Variants in POLR1A observed in about 807,000 individuals in gnomAD.
The protein encoded by POLR1A is RNA polymerase I subunit A, also known as DNA-directed RNA polymerase I subunit RPA1.
Under a neutral mutation model 205.3 loss-of-function variants are expected in POLR1A, and 84 were observed. The ratio of observed to expected loss-of-function variants is 0.41; its 90% confidence interval spans 0.34 to 0.49. The LOEUF is 0.49. Ranked by LOEUF, POLR1A falls within the 20% of genes least tolerant of loss-of-function variation. The pLI is 0.22. For missense variants in POLR1A, 1,645 were observed against 2,204.5 expected (o/e 0.75, Z 5.08); for synonymous variants, 799 against 863.7 (o/e 0.93, Z 1.31).
At chr2:86,099,092 T>C (rs1412907620) in intron 2 of POLR1A, among the ~76,000 whole-genome samples, 2 of 152,118 alleles carry the variant, frequency 1.3e-5, no homozygotes, top group East Asian at 3.8e-4. Context: ...TCCCAGCATT[T>C]TGGGAGGCCA....
Position 86,027,447 on chromosome 2 carries a change from G to A in POLR1A, c.5139C>T (p.Phe1713=), listed in dbSNP as rs752279650. The A allele has an allele frequency of 9.9e-6, 16 of 1,614,106 alleles. No individual in the cohort carries two copies. The highest frequency in any genetic ancestry group is 1.2e-5 in the Non-Finnish European group (14 of 1,179,984). ...GCTATCTCAGAGGCTGCTTGAGCTC[G>A]AACAGGCCTGTCCCGCCCCTGACGA... The part of the protein sequence containing the change: ...GKVVRGGTGL[F]ELKQPLR The change falls in exon 34 of 34, where the codon TTC becomes TTT. Residue 1713 remains phenylalanine (F), a synonymous_variant. Transcript: ENST00000263857.
chr2:86,034,435 C>T (rs779443636), intron 27 of POLR1A, among the ~76,000 whole-genome samples: 74 of 152,324 alleles, frequency 4.9e-4, no homozygotes, highest in African/African-American at 1.4e-3. Flanking sequence ...GGCAATGAAT[C>T]GTGTCAACAA....
chr2:86,081,962 G>A (rs891499384), intron 7 of POLR1A, among the ~76,000 whole-genome samples: 9 of 152,002 alleles, frequency 5.9e-5, no homozygotes, highest in Admixed American at 2.6e-4. Context: ...CTTCCAAGTA[G>A]TTGGGACTAC....
chr2:86,034,566 C>T lies in POLR1A; in HGVS notation c.4035-779G>A, dbSNP rs149848731. On this transcript the variant is annotated intron_variant, in intron 27 of 33. Transcript: ENST00000263857. ...GATCCACCCTGTCCCCTCCATACCA[C>T]TTCTTTCCTCATGTAACCCCCTGCC... Among the ~76,000 whole-genome samples, 795 of 152,308 alleles carry T rather than the reference C, an allele frequency of 5.2e-3. 10 individuals are homozygous for T. Among genetic ancestry groups the T allele is most frequent in the African/African-American group, 0.018 (738 of 41,556 alleles).
Position 86,030,183 on chromosome 2 carries a change from C to T in POLR1A, c.4779+13G>A, listed in dbSNP as rs774819828. 1 of 1,608,270 alleles carries T rather than the reference C, an allele frequency of 6.2e-7. No individual in the cohort carries two copies. The highest frequency in any genetic ancestry group is 2.2e-5 in the East Asian group (1 of 44,872). On this transcript the variant is annotated intron_variant, in intron 31 of 33. Transcript: ENST00000263857. ...TAATGCTTTGTCCCAGGCCAGCAGA[C>T]AGCCTGTCTTACCTCTGCATACTTG... is the stretch of plus-strand genomic sequence containing the variant.
intron 6 of POLR1A, among the ~76,000 whole-genome samples, chr2:86,084,690 C>T (rs1037981745): frequency 1.5e-4 from 19 of 130,636 alleles, no homozygotes; most frequent in Admixed American, 6.5e-4. Flanking sequence ...TTTTTCAAGA[C>T]GGAGTCTTGC....
chr2:86,040,287 A>C, intron 25 of POLR1A, 105 bp downstream of exon 25: 1 of 893,956 alleles, frequency 1.1e-6, no homozygotes, highest in Non-Finnish European at 1.6e-6. Flanking sequence ...TCACACAGAC[A>C]CACTCTCTCA....
At chr2:86,039,737 T>A (rs1241448577) in intron 25 of POLR1A, among the ~76,000 whole-genome samples, 1 of 152,182 alleles carries the variant, frequency 6.6e-6, no homozygotes, top group Non-Finnish European at 1.5e-5. Flanking sequence ...AAACAACAGG[T>A]GCCTGCTGAC....
intron 12 of POLR1A, among the ~76,000 whole-genome samples, chr2:86,071,152 A>AT (rs1464148395): frequency 6.7e-6 from 1 of 148,680 alleles, no homozygotes; most frequent in Non-Finnish European, 1.5e-5. Context: ...GAAAAAAAAA[A>AT]CCCAGGTGGC....
At position 86,044,193 on chromosome 2, in the gene POLR1A, G is replaced by T; in HGVS notation, c.3081C>A (p.Pro1027=). 1 of 1,614,152 alleles carries T rather than the reference G, an allele frequency of 6.2e-7. No homozygotes were observed. Among genetic ancestry groups the T allele is most frequent in the Non-Finnish European group, 8.5e-7 (1 of 1,180,016 alleles). Reference sequence around the variant, plus strand: ...GCTTGGGCTGCAGGAACTGTGTCTTGGGGATGTCCAGGCCATCCTCCCCAT... The same window carrying T: ...GCTTGGGCTGCAGGAACTGTGTCTTTGGGATGTCCAGGCCATCCTCCCCAT... ...FLYGEDGLDI[P]KTQFLQPKQF... Residue 1027 remains proline, a synonymous_variant, in exon 22 of 34, where the codon CCC becomes CCA. Coordinates refer to ENST00000263857, the MANE Select transcript of POLR1A (RefSeq NM_015425.6).
intron 7 of POLR1A, 49 bp from the exon 8 acceptor site, chr2:86,081,755 A>G: frequency 9.7e-7 from 1 of 1,026,288 alleles, no homozygotes. Flanking sequence ...TCTATCACTA[A>G]GGGCATGGGA....
Position 86,028,799 on chromosome 2 carries a change from T to C in POLR1A, c.4780-88A>G, listed in dbSNP as rs752375734. ...TATCTCCCCCTGGCCGCTCTCTCTC[T>C]CCTTGTGTCTGGCAGCTCGGTACAG... On this transcript the variant is annotated intron_variant, in intron 31 of 33. Transcript: ENST00000263857. The surrounding 1 kb of genome is among the most constrained non-coding windows in gnomAD (Gnocchi z 4.5). 1.4e-5 allele frequency: 13 copies of C among 932,280 alleles called. No homozygotes were observed. Among genetic ancestry groups the C allele is most frequent in the Non-Finnish European group, 2.1e-5 (12 of 583,186 alleles). 57.8% of individuals were successfully genotyped at this position (932,280 alleles called of 1,614,324 possible). A position where few individuals can be genotyped will look rare whatever the true frequency, so the allele number is the denominator to read the frequency against.
At position 86,098,179 on chromosome 2, in the gene POLR1A, A is replaced by G. The variant is rs558846008; in HGVS notation, c.432+432T>C. On this transcript the variant is annotated intron_variant, in intron 3 of 33. Transcript: ENST00000263857. ...CTTGCCAAAATGTGAATCTAATTAC[A>G]AGAAATAATCGGACAATCTAAAATG... Among the ~76,000 whole-genome samples, 3 of 152,336 alleles carry G rather than the reference A, an allele frequency of 2.0e-5. No homozygotes were observed. In the East Asian group the frequency reaches 5.8e-4, roughly 29 times the overall value.
chr2:86,042,994 G>A lies in POLR1A; in HGVS notation c.3337C>T (p.Arg1113Cys), dbSNP rs1360182422. 5.0e-6 allele frequency: 8 copies of A among 1,613,822 alleles called. No homozygotes were observed. The highest frequency in any genetic ancestry group is 1.3e-5 in the African/African-American group (1 of 74,996). The change falls in exon 23 of 34, where the codon CGC (arginine) becomes TGC (cysteine). Residue 1113 changes from arginine to cysteine, a missense_variant. Around this residue, in one of 16 missense-constraint regions of POLR1A, gnomAD observed 201 missense variants for 222.3 expected, o/e 0.90. Transcript: ENST00000263857. The stretch of plus-strand genomic sequence containing the variant: ...ATCACCTCCTGAGTCCCAGGGCTGC[G>A]GCCATTGCGGTTTTCACTCTCAAGT... ...LKLESENRNG[R>C]SPGTQEMLRM... is the part of the protein sequence containing the mutation.
intron 14 of POLR1A, among the ~76,000 whole-genome samples, chr2:86,056,082 GAAGGATAC>G (rs145556868): frequency 0.034 from 5,243 of 152,216 alleles, 222 homozygotes; most frequent in East Asian, 0.23. Flanking sequence ...ATTCAAAGCT[GAAGGATAC>G]AAGGTCAACA....
Position 86,027,978 on chromosome 2 carries a change from G to C in POLR1A, c.4969C>G (p.Leu1657Val). The change falls in exon 33 of 34, where the codon CTG becomes GTG. Residue 1657 changes from leucine (L) to valine (V), a missense_variant. By Grantham distance (32) the Leu-to-Val change is conservative (BLOSUM62 1). Around this residue, in one of 16 missense-constraint regions of POLR1A, gnomAD observed 86 missense variants for 149.8 expected, o/e 0.57. Coordinates refer to ENST00000263857, the MANE Select transcript of POLR1A (RefSeq NM_015425.6). Reference sequence around the variant, plus strand: ...TTTGACCGGATCCCAAAGCGATTCAGTGGCTTGTAAACACCCTCGAAGCAC... The same window carrying C: ...TTTGACCGGATCCCAAAGCGATTCACTGGCTTGTAAACACCCTCGAAGCAC... ...YMCFEGVYKPLNRFGIRSNSS... is the reference protein window; with the variant it reads ...YMCFEGVYKPVNRFGIRSNSS... 1 of 1,614,254 alleles carries C rather than the reference G, an allele frequency of 6.2e-7. No individual in the cohort carries two copies.
chr2:86,089,820 A>T lies in POLR1A; in HGVS notation c.540+2T>A. ...CATGGGAGAAAGACAGTGTTAACTCACATGTGCGCCCTGGGACCCCAGGAG... is the reference window on the plus strand; with the variant it reads ...CATGGGAGAAAGACAGTGTTAACTCTCATGTGCGCCCTGGGACCCCAGGAG... On this transcript the variant is annotated splice_donor_variant, in intron 4 of 33. Transcript: ENST00000263857. LOFTEE classifies it high-confidence loss of function. 1 of 1,551,738 alleles carries T rather than the reference A, an allele frequency of 6.4e-7. No homozygotes were observed. Among genetic ancestry groups the T allele is most frequent in the Non-Finnish European group, 8.9e-7 (1 of 1,122,892 alleles).
rs1672264459 is a variant in POLR1A, at chr2:86,026,927, T to G, written c.*496A>C. The G allele has an allele frequency of 5.7e-6, 1 of 175,712 alleles. No homozygotes were observed. The highest frequency in any genetic ancestry group is 2.4e-5 in the African/African-American group (1 of 42,384). 10.9% of individuals were successfully genotyped at this position (175,712 alleles called of 1,614,324 possible). ...CTGGAGCAGCCGGAAGGAGCAGGCC[T>G]TGGGCAGCAGGCTCCACGTTCCTGC... On this transcript the variant is annotated 3_prime_UTR_variant, in exon 34 of 34. Transcript: ENST00000263857.
intron 25 of POLR1A, chr2:86,039,907 A>G (rs908742357): frequency 4.9e-6 from 1 of 204,670 alleles, no homozygotes; most frequent in African/African-American, 2.3e-5. Context: ...ACCTGTCCAG[A>G]GTCTTTCTGC....
Sources: gnomAD v4.1 joint callset for allele counts (sites outside exome capture counted in the v4.1 genomes callset) on GRCh38, gnomAD v4.1.1 for gene constraint, gnomAD v4.1.1 regional missense constraint, Gnocchi (gnomAD v3.1) non-coding constraint, MANE v1.5 for transcripts, NCBI Gene and HGNC (gene_info 2026-07-23, HGNC 2026-07-21) for gene names.